RELN: variants seen among roughly 807,000 people sequenced by gnomAD.
RELN encodes reelin.
RELN carries 108 observed loss-of-function variants against 427.6 expected under a neutral mutation model. That is an observed-to-expected ratio of 0.25 (90% confidence interval 0.22 to 0.30). The LOEUF (loss-of-function observed/expected upper bound fraction) is 0.30, where lower values mean the gene tolerates loss of function less well. RELN is among the 10% of genes least tolerant of loss of function. The pLI is 1.00. For missense variants in RELN, 3,715 were observed against 4,302.8 expected, an observed-to-expected ratio of 0.86 and a Z score of 3.82; for synonymous variants, 1,524 against 1,513.4, an observed-to-expected ratio of 1.01 and a Z score of -0.16.
rs1793431756 is a variant in RELN at position 103,837,222 on chromosome 7, T to A, written c.338-3550A>T. Among the ~76,000 whole-genome samples the A allele has an allele frequency of 2.0e-5, 3 of 152,294 alleles. No individual in the cohort carries two copies. The South Asian group carries it at 6.2e-4, about 32-fold the overall frequency. On this transcript the variant is annotated intron_variant, in intron 2 of 64. Coordinates refer to ENST00000428762, the MANE Select transcript of RELN (RefSeq NM_005045.4). ...TGTCCTGTCTCACTCCCATGTTCCA[T>A]CAAAATGATTTCTCTAAAAGGCATA...
chr7:103,499,277 C>T (rs1828942611), intron 53 of RELN, among the ~76,000 whole-genome samples: 1 of 152,136 alleles, frequency 6.6e-6, no homozygotes, highest in Non-Finnish European at 1.5e-5. Context: ...TGATTGACAA[C>T]CAGAAAATCT....
intron 1 of RELN, among the ~76,000 whole-genome samples, chr7:103,954,732 T>C (rs1796400251): frequency 6.6e-6 from 1 of 152,180 alleles, no homozygotes; most frequent in Non-Finnish European, 1.5e-5. Flanking sequence ...TCAAAGTGCT[T>C]AAATTTGGAT....
At position 103,545,192 on chromosome 7, in the gene RELN, G is replaced by A. The variant is rs780460414; in HGVS notation, c.6455C>T (p.Pro2152Leu). The change falls in exon 42 of 65, where the codon CCT becomes CTT. Residue 2152 changes from proline (P) to leucine (L), a missense_variant. Physicochemically the swap from Pro to Leu is moderately conservative, Grantham distance 98. Transcript: ENST00000428762. ...TTTACAGGTTGGACCTGAGTAGCCA[G>A]GGTCACATATACATTTGGTTCCATT... Reference protein sequence around the residue: ...CINGTKCICDPGYSGPTCKIS... With the variant: ...CINGTKCICDLGYSGPTCKIS... The A allele has an allele frequency of 1.2e-6, 2 of 1,614,042 alleles. No individual in the cohort carries two copies. The highest frequency in any genetic ancestry group is 2.7e-5 in the African/African-American group (2 of 74,914).
intron 22 of RELN, among the ~76,000 whole-genome samples, chr7:103,607,714 A>T (rs185423795): frequency 1.8e-4 from 28 of 152,336 alleles, no homozygotes; most frequent in Admixed American, 1.8e-3. Context: ...TAGTTATGTT[A>T]CCTGAGGGAT....
intron 61 of RELN, chr7:103,484,193 T>C (rs921615877): frequency 3.4e-6 from 1 of 294,050 alleles, no homozygotes; most frequent in Non-Finnish European, 6.5e-6. Context: ...AAATCATCTT[T>C]ATACTAAATT....
chr7:103,604,253 C>T, intron 23 of RELN, 93 bp downstream of exon 23: 3 of 1,438,528 alleles, frequency 2.1e-6, no homozygotes, highest in Non-Finnish European at 2.9e-6. Flanking sequence ...ATTTATCGGT[C>T]TATCCATGTC....
chr7:103,625,299 C>G (rs1832305773), intron 20 of RELN, among the ~76,000 whole-genome samples: 1 of 152,188 alleles, frequency 6.6e-6, no homozygotes, highest in African/African-American at 2.4e-5. Context: ...TAGGAAAGTA[C>G]TGGCAAAAAT....
At position 103,561,672 on chromosome 7, in the gene RELN, C is replaced by A. The variant is rs1830644819; in HGVS notation, c.5389G>T (p.Val1797Phe). Residue 1797 changes from valine (V) to phenylalanine (F), a missense_variant, in exon 36 of 65, where the codon GTT becomes TTT. Coordinates refer to ENST00000428762, the MANE Select transcript of RELN (RefSeq NM_005045.4). ...RGFGGPYCVP[V>F]VPLPSILKDD... ...TTAAGAATCGAGGGCAGAGGAACAA[C>A]AGGAACACAATAGGGTCCACCAAAG... 1.2e-6 allele frequency: 2 copies of A among 1,613,824 alleles called. No homozygotes were observed. The highest frequency in any genetic ancestry group is 1.7e-6 in the Non-Finnish European group (2 of 1,179,970).
At chr7:103,939,609 C>T (rs1796065936) in intron 1 of RELN, among the ~76,000 whole-genome samples, 1 of 152,168 alleles carries the variant, frequency 6.6e-6, no homozygotes, top group African/African-American at 2.4e-5. Flanking sequence ...AATAATCATG[C>T]TCCTTGATCT....
Position 103,522,172 on chromosome 7 carries a change from G to A in RELN, c.7518C>T (p.Tyr2506=). The change falls in exon 48 of 65, where the codon TAC becomes TAT. Residue 2506 remains tyrosine (Y), a synonymous_variant. Coordinates refer to ENST00000428762, the MANE Select transcript of RELN (RefSeq NM_005045.4). ...GAAGAGAGGTCTCGGGGTCATCACA[G>A]TACAGGCCACCCCACTGTTCATCAC... ...CVCDEQWGGL[Y]CDDPETSLPT... 6.2e-7 allele frequency: 1 copy of A among 1,614,048 alleles called. No individual in the cohort carries two copies. The highest frequency in any genetic ancestry group is 8.5e-7 in the Non-Finnish European group (1 of 1,180,034).
chr7:103,600,526 AG>A (rs35026738), intron 24 of RELN, among the ~76,000 whole-genome samples: 3 of 152,126 alleles, frequency 2.0e-5, no homozygotes, highest in Non-Finnish European at 4.4e-5. Context: ...TCTACTCTCA[AG>A]GGGAAAGTTC....
At chr7:103,844,676 T>C (rs1042473067) in intron 2 of RELN, among the ~76,000 whole-genome samples, 2 of 152,156 alleles carry the variant, frequency 1.3e-5, no homozygotes, top group African/African-American at 4.8e-5. Context: ...ACTCTCTAAG[T>C]CCCAGGATCA....
intron 37 of RELN, 82 bp downstream of exon 37, chr7:103,557,883 C>T (rs928081657): frequency 6.8e-6 from 5 of 735,304 alleles, no homozygotes; most frequent in African/African-American, 1.7e-5. Context: ...AACTTATGGG[C>T]CTTAAATCCG....
intron 22 of RELN, among the ~76,000 whole-genome samples, chr7:103,609,222 C>CAA (rs11342938): frequency 2.5e-5 from 3 of 120,694 alleles, no homozygotes; most frequent in African/African-American, 3.0e-5. Context: ...GACTCTGTCT[C>CAA]AAAAAAAAAA....
At chr7:103,844,810 T>C (rs1334626595) in intron 2 of RELN, among the ~76,000 whole-genome samples, 1 of 152,234 alleles carries the variant, frequency 6.6e-6, no homozygotes, top group Non-Finnish European at 1.5e-5. Context: ...ATAATGTTCA[T>C]TAAATGTTGA....
chr7:103,970,933 A>G (rs1452058653), intron 1 of RELN, among the ~76,000 whole-genome samples: 4 of 152,122 alleles, frequency 2.6e-5, no homozygotes, highest in African/African-American at 9.7e-5. Context: ...AGGCGGGTGG[A>G]TCACCTGAGG....
intron 11 of RELN, among the ~76,000 whole-genome samples, chr7:103,669,498 T>C (rs1453671424): frequency 6.6e-6 from 1 of 152,180 alleles, no homozygotes; most frequent in Non-Finnish European, 1.5e-5. Flanking sequence ...GTAGAGTCTT[T>C]ACTCCCCGGA....
intron 27 of RELN, 76 bp from the exon 28 acceptor site, chr7:103,589,904 T>C: frequency 1.1e-6 from 1 of 879,358 alleles, no homozygotes; most frequent in Non-Finnish European, 1.9e-6. Context: ...TGCTACAGCA[T>C]CCAGGGTGCC....
chr7:103,926,181 A>G (rs961129115), intron 1 of RELN, among the ~76,000 whole-genome samples: 1 of 139,904 alleles, frequency 7.1e-6, no homozygotes, highest in Non-Finnish European at 1.5e-5. Flanking sequence ...GCTCACTGCA[A>G]CCTCTGCCTC....
Sources: allele counts gnomAD v4.1 joint callset (sites outside exome capture counted in the v4.1 genomes callset), GRCh38; gene constraint gnomAD v4.1.1; transcripts MANE v1.5; gene names NCBI Gene and HGNC (gene_info 2026-07-23, HGNC 2026-07-21).